The following TNIP3 variants were observed in gnomAD, a reference collection of about 807,000 sequenced individuals.
The protein encoded by TNIP3 is TNFAIP3 interacting protein 3.
TNIP3 carries 34 observed loss-of-function variants against 54.1 expected under a neutral mutation model. The observed-to-expected ratio is 0.63, with a 90% CI of 0.48 to 0.84. The LOEUF (loss-of-function observed/expected upper bound fraction) is 0.84. TNIP3 is among the 40% of genes least tolerant of loss of function. TNIP3 has a pLI of 0.00. For missense variants in TNIP3, 366 were observed against 387.6 expected (o/e 0.94, Z 0.47); for synonymous variants, 134 against 136.8 (o/e 0.98, Z 0.14).
At chr4:121,160,864 A>G (rs1730406332) in intron 2 of TNIP3, among the ~76,000 whole-genome samples, 1 of 152,200 alleles carries the variant, frequency 6.6e-6, no homozygotes, top group Admixed American at 6.5e-5. Context: ...GTGTGGAGGA[A>G]ACATCTAAGT....
chr4:121,197,378 A>G lies in TNIP3; in HGVS notation c.69-14582T>C, dbSNP rs113096894. Among the ~76,000 whole-genome samples the G allele has an allele frequency of 9.2e-3, 1,405 of 152,104 alleles. 28 individuals carry two copies. The highest frequency in any genetic ancestry group is 0.032 in the African/African-American group (1,323 of 41,492). On this transcript the variant is annotated intron_variant, in intron 2 of 12. Transcript: ENST00000507879. ...CACCTTCTCTGCTAAAAATACAAAA[A>G]TTAGCTGGGCGTGGTGGCGGGTGCC...
chr4:121,139,135 T>C (rs551713713), intron 9 of TNIP3, among the ~76,000 whole-genome samples: 1 of 152,326 alleles, frequency 6.6e-6, no homozygotes, highest in Non-Finnish European at 1.5e-5. Context: ...TTTAAGCTAT[T>C]AAATGGGGAT....
rs1728929839 is a variant in TNIP3 at position 121,138,643 on chromosome 4, A to AT, written c.926dup (p.Asp309GlufsTer35). Reference sequence around the variant, plus strand: ...TCTCACCATTTGCCTTGTGTTGTACATCTGGCGGAAGCTGGTCAAGAGCAT... The same window carrying AT: ...TCTCACCATTTGCCTTGTGTTGTACATTCTGGCGGAAGCTGGTCAAGAGCAT... On this transcript the variant is annotated frameshift_variant, in exon 10 of 11. Coordinates refer to ENST00000057513, the MANE Select transcript of TNIP3 (RefSeq NM_024873.6). LOFTEE classifies it high-confidence loss of function. 6 of 1,613,956 alleles carry AT rather than the reference A, an allele frequency of 3.7e-6. No individual in the cohort carries two copies. Among genetic ancestry groups the AT allele is most frequent in the African/African-American group, 1.3e-5 (1 of 74,934 alleles).
At chr4:121,151,571 T>C (rs952426581) in intron 5 of TNIP3, among the ~76,000 whole-genome samples, 1 of 152,180 alleles carries the variant, frequency 6.6e-6, no homozygotes, top group African/African-American at 2.4e-5. Context: ...TGTTAAGCTC[T>C]AGGAAGTGTC....
upstream of TNIP3, among the ~76,000 whole-genome samples, chr4:121,219,565 C>T (rs1726946460): frequency 6.6e-6 from 1 of 152,140 alleles, no homozygotes; most frequent in African/African-American, 2.4e-5. Flanking sequence ...GTTTTATGAG[C>T]TTTTGGACAT....
At chr4:121,213,168 G>A (rs1339239381) in intron 2 of TNIP3, among the ~76,000 whole-genome samples, 1 of 152,150 alleles carries the variant, frequency 6.6e-6, no homozygotes, top group African/African-American at 2.4e-5. Flanking sequence ...GAAAGACACA[G>A]AGCTCCTTAA....
intron 10 of TNIP3, among the ~76,000 whole-genome samples, chr4:121,134,101 A>G (rs1470345147): frequency 6.6e-6 from 1 of 152,220 alleles, no homozygotes; most frequent in African/African-American, 2.4e-5. Flanking sequence ...TTAGTATTAG[A>G]CATTAGTAAA....
At chr4:121,155,213 T>C (rs1730013990) in intron 4 of TNIP3, among the ~76,000 whole-genome samples, 1 of 152,140 alleles carries the variant, frequency 6.6e-6, no homozygotes, top group Non-Finnish European at 1.5e-5. Flanking sequence ...TCTGCCCGTC[T>C]CAGCCTCCCA....
rs974791874 is a variant in TNIP3, at chr4:121,227,296, T to G, written c.3+89A>C. On this transcript the variant is annotated intron_variant, in intron 1 of 12. Transcript: ENST00000509841. ...TATATGTCTTTTTAATATGAGAACT[T>G]TATGCATTTTAAAAAAGAAATTAAG... The G allele has an allele frequency of 1.7e-5, 20 of 1,166,306 alleles. No homozygotes were observed. In the African/African-American group the frequency reaches 3.1e-4, roughly 18 times the overall value. The allele number at this position is 1,166,306 out of a possible 1,614,324, so 72.2% of individuals were successfully genotyped here.
At chr4:121,163,125 A>G (rs1380033050) in intron 1 of TNIP3, among the ~76,000 whole-genome samples, 2 of 135,144 alleles carry the variant, frequency 1.5e-5, no homozygotes, top group East Asian at 2.1e-4. Flanking sequence ...TTTGAAATTC[A>G]TAAGTAATAT....
At chr4:121,153,958 C>T (rs989497074) in intron 5 of TNIP3, among the ~76,000 whole-genome samples, 8 of 151,986 alleles carry the variant, frequency 5.3e-5, no homozygotes, top group African/African-American at 1.2e-4. Flanking sequence ...AACTAGTTAG[C>T]GACCCATTCC....
chr4:121,214,588 C>G (rs1726678015), intron 2 of TNIP3, among the ~76,000 whole-genome samples: 1 of 152,068 alleles, frequency 6.6e-6, no homozygotes, highest in African/African-American at 2.4e-5. Context: ...AGGTTTCTCC[C>G]TTCCTTTCTT....
chr4:121,154,527 TC>T lies in TNIP3; in HGVS notation c.492+23del, dbSNP rs780739935. On this transcript the variant is annotated intron_variant, in intron 5 of 10. Coordinates refer to ENST00000057513, the MANE Select transcript of TNIP3 (RefSeq NM_024873.6). ...TATGCAGGGACTTCTCATTTTAATC[TC>T]CCATGCTTGACCTGACTGATACCTT... 3.1e-6 allele frequency: 5 copies of T among 1,611,170 alleles called. No homozygotes were observed. The Admixed American group carries it at 6.7e-5, about 22-fold the overall frequency.
chr4:121,199,563 C>T (rs1725772342), intron 2 of TNIP3, among the ~76,000 whole-genome samples: 1 of 152,138 alleles, frequency 6.6e-6, no homozygotes, highest in Non-Finnish European at 1.5e-5. Flanking sequence ...CCATGACAAG[C>T]TGAGAGATCT....
intron 3 of TNIP3, among the ~76,000 whole-genome samples, chr4:121,170,398 G>T (rs560162730): frequency 6.6e-6 from 1 of 152,282 alleles, no homozygotes; most frequent in Non-Finnish European, 1.5e-5. Context: ...TGACCACGGG[G>T]ATACACAAAG....
At chr4:121,193,303 T>C (rs1725398137) in intron 2 of TNIP3, among the ~76,000 whole-genome samples, 1 of 152,196 alleles carries the variant, frequency 6.6e-6, no homozygotes, top group Non-Finnish European at 1.5e-5. Context: ...TTGATGAGCC[T>C]GGAATTTCTT....
At chr4:121,155,008 C>A (rs1730000969) in intron 4 of TNIP3, among the ~76,000 whole-genome samples, 1 of 151,264 alleles carries the variant, frequency 6.6e-6, no homozygotes. Context: ...TGTCTCCCGG[C>A]CTGGAGTGCA....
At chr4:121,203,667 A>G (rs955846440) in intron 2 of TNIP3, among the ~76,000 whole-genome samples, 1 of 152,276 alleles carries the variant, frequency 6.6e-6, no homozygotes, top group African/African-American at 2.4e-5. Context: ...AAACTTATTT[A>G]TCAGGTTATT....
At position 121,222,696 on chromosome 4, in the gene TNIP3, A is replaced by G. The variant is rs1727077371; in HGVS notation, c.3+4689T>C. 2.6e-5 allele frequency among the ~76,000 whole-genome samples: 4 copies of G among 152,162 alleles called. No individual in the cohort carries two copies. The South Asian group carries it at 8.3e-4, about 32-fold the overall frequency. Reference sequence around the variant, plus strand: ...AAACTCACTGGAAAGCCTGTAGAGAAAGCGATTTTTATGGGACATAAATGT... The same window carrying G: ...AAACTCACTGGAAAGCCTGTAGAGAGAGCGATTTTTATGGGACATAAATGT... On this transcript the variant is annotated intron_variant, in intron 1 of 12. Transcript: ENST00000509841.
Sources: gnomAD v4.1 joint callset for allele counts (sites outside exome capture counted in the v4.1 genomes callset) on GRCh38, gnomAD v4.1.1 for gene constraint, MANE v1.5 for transcripts, NCBI Gene and HGNC (gene_info 2026-07-23, HGNC 2026-07-21) for gene names.